ITGB5: variants seen among roughly 807,000 people sequenced by gnomAD.
The protein encoded by ITGB5 is integrin beta-5.
In ITGB5, 38 loss-of-function variants were observed where a neutral mutation model predicts 84.8. The ratio of observed to expected loss-of-function variants is 0.45; its 90% CI spans 0.35 to 0.59. The LOEUF is 0.59. Ranked by LOEUF, ITGB5 falls within the 20% of genes least tolerant of loss-of-function variation. The probability of loss-of-function intolerance (pLI) is 0.01; values close to 1 mark genes in which losing one functional copy is unlikely to be tolerated. For synonymous variants in ITGB5, 393 were observed against 414.4 expected (o/e 0.95, Z 0.63); for missense variants, 905 against 1,034.5 (o/e 0.87, Z 1.72).
chr3:124,800,487 C>T (rs1033280850), intron 9 of ITGB5, among the ~76,000 whole-genome samples: 1 of 152,198 alleles, frequency 6.6e-6, no homozygotes, highest in African/African-American at 2.4e-5. Context: ...GCACTGTCTG[C>T]CCAGCTGGGC....
intron 10 of ITGB5, 112 bp downstream of exon 10, chr3:124,796,276 G>T: frequency 1.0e-6 from 1 of 987,982 alleles, no homozygotes; most frequent in Non-Finnish European, 1.5e-6. Context: ...TCCAAGGAGA[G>T]CCATGGTAGT....
chr3:124,797,392 C>T (rs761878830), intron 9 of ITGB5, among the ~76,000 whole-genome samples: 4 of 152,140 alleles, frequency 2.6e-5, no homozygotes, highest in Non-Finnish European at 5.9e-5. Flanking sequence ...CCGAGTCCCC[C>T]GTGCCCCAAT....
rs1484827863 is a variant in ITGB5 at position 124,762,238 on chromosome 3, T to C, written c.*1385A>G. On this transcript the variant is annotated 3_prime_UTR_variant, in exon 15 of 15. Transcript: ENST00000296181. ...GGTCCAGAGCTGAGGACAGATCCAT[T>C]TGGAATGAAAGCATAATAACCTTGA... The C allele has an allele frequency of 6.6e-6, 1 of 152,206 alleles. No individual in the cohort carries two copies. Among genetic ancestry groups the C allele is most frequent in the East Asian group, 1.9e-4 (1 of 5,198 alleles). 9.4% of individuals were successfully genotyped at this position (152,206 alleles called of 1,614,324 possible).
intron 4 of ITGB5, among the ~76,000 whole-genome samples, chr3:124,844,699 A>C (rs1003426477): frequency 1.3e-5 from 2 of 152,334 alleles, no homozygotes; most frequent in Non-Finnish European, 2.9e-5. Context: ...AGGGCTGAAC[A>C]CTGGAATAGG....
intron 10 of ITGB5, 74 bp from the exon 11 acceptor site, chr3:124,773,986 A>G: frequency 1.5e-6 from 2 of 1,341,230 alleles, no homozygotes; most frequent in Non-Finnish European, 2.1e-6. Context: ...GGTGCCCCAC[A>G]TGCCAGGACT....
intron 9 of ITGB5, among the ~76,000 whole-genome samples, chr3:124,806,481 T>G (rs1239152048): frequency 1.4e-5 from 2 of 139,134 alleles, no homozygotes; most frequent in African/African-American, 5.4e-5. Context: ...TCGCCCAGGC[T>G]GGAGTGCAGT....
At chr3:124,898,823 C>A (rs1367901022) in intron 1 of ITGB5, among the ~76,000 whole-genome samples, 1 of 146,612 alleles carries the variant, frequency 6.8e-6, no homozygotes, top group Non-Finnish European at 1.5e-5. Context: ...CACCTGTAAT[C>A]CCAGTACTTT....
chr3:124,815,711 A>G (rs1559948988), intron 8 of ITGB5, among the ~76,000 whole-genome samples: 1 of 152,128 alleles, frequency 6.6e-6, no homozygotes. Context: ...TCACCCCAGG[A>G]AAGAGGGTGA....
At chr3:124,894,575 C>T (rs1935065792) in intron 1 of ITGB5, 1 of 152,156 alleles carries the variant, frequency 6.6e-6, no homozygotes, top group Non-Finnish European at 1.5e-5. Context: ...TCTAAATGCC[C>T]TCTTTCCGCT....
rs59075905 is a variant in ITGB5, at chr3:124,804,549, AAAAAT to A, written c.1263+4468_1263+4472del. 6.3e-3 allele frequency among the ~76,000 whole-genome samples: 966 copies of A among 152,202 alleles called. 3 individuals carry two copies. The highest frequency in any genetic ancestry group is 9.5e-3 in the Non-Finnish European group (647 of 68,024). On this transcript the variant is annotated intron_variant, in intron 9 of 14. Transcript: ENST00000296181. ...GTAACAAGAGCAAGACCCTGTCTCT[AAAAAT>A]AAAATAAAATAAAATAAAATAAAGA...
At chr3:124,887,492 T>G, upstream of ITGB5, 1 of 185,292 alleles carries the variant, frequency 5.4e-6, no homozygotes, top group South Asian at 7.1e-5. Context: ...CAGCTTACGG[T>G]GAGGCGGGGC....
chr3:124,770,358 G>T (rs1055317044), intron 11 of ITGB5, among the ~76,000 whole-genome samples: 13 of 152,128 alleles, frequency 8.5e-5, no homozygotes, highest in African/African-American at 3.1e-4. Flanking sequence ...GAGTGCAGGG[G>T]GTGACCTCAG....
chr3:124,880,600 C>T (rs775645912), intron 1 of ITGB5, among the ~76,000 whole-genome samples: 2 of 151,930 alleles, frequency 1.3e-5, no homozygotes, highest in Non-Finnish European at 2.9e-5. Context: ...GGTGACAGAG[C>T]GAGATTCTGT....
intron 9 of ITGB5, among the ~76,000 whole-genome samples, chr3:124,807,815 G>A (rs1377853837): frequency 7.9e-5 from 12 of 151,412 alleles, no homozygotes; most frequent in Non-Finnish European, 1.2e-4. Flanking sequence ...GCTGGCGGGC[G>A]CCTGTAGTCC....
intron 10 of ITGB5, among the ~76,000 whole-genome samples, chr3:124,785,316 G>A (rs912807501): frequency 1.3e-5 from 2 of 151,592 alleles, no homozygotes; most frequent in Non-Finnish European, 2.9e-5. Context: ...GGGCGCGGTG[G>A]CTCACGCCTA....
intron 5 of ITGB5, among the ~76,000 whole-genome samples, chr3:124,837,751 A>T (rs1000193893): frequency 3.3e-5 from 5 of 152,274 alleles, no homozygotes; most frequent in African/African-American, 1.2e-4. Context: ...CAGGGAAACA[A>T]GAATGAGAAT....
At chr3:124,839,944 G>A (rs893288712) in intron 5 of ITGB5, among the ~76,000 whole-genome samples, 13 of 152,364 alleles carry the variant, frequency 8.5e-5, no homozygotes, top group African/African-American at 2.9e-4. Context: ...CACAGACTCT[G>A]TGATGGGCAG....
intron 1 of ITGB5, among the ~76,000 whole-genome samples, chr3:124,892,767 C>CA (rs56380187): frequency 2.8e-5 from 4 of 142,770 alleles, no homozygotes; most frequent in Non-Finnish European, 6.1e-5. Flanking sequence ...AATAAATAAA[C>CA]AAAAAAACTT....
intron 2 of ITGB5, among the ~76,000 whole-genome samples, chr3:124,873,032 A>G (rs1676880397): frequency 6.6e-6 from 1 of 152,156 alleles, no homozygotes; most frequent in Non-Finnish European, 1.5e-5. Flanking sequence ...CCTAATATTT[A>G]TTCTCAAGTA....
Sources: allele counts gnomAD v4.1 joint callset (sites outside exome capture counted in the v4.1 genomes callset), GRCh38; gene constraint gnomAD v4.1.1; transcripts MANE v1.5; gene names NCBI Gene and HGNC (gene_info 2026-07-23, HGNC 2026-07-21).